IFTAP: variants seen among roughly 807,000 people sequenced by gnomAD.
IFTAP encodes the protein intraflagellar transport-associated protein.
IFTAP carries 19 observed loss-of-function variants against 19.4 expected under a neutral mutation model. That is an observed-to-expected ratio of 0.98 (90% CI 0.68 to 1.44). The LOEUF is 1.44. Ranked by LOEUF, IFTAP falls within the 40% of genes most tolerant of loss-of-function variation. The pLI is 0.00. For missense variants in IFTAP, 240 were observed against 253.6 expected (o/e 0.95, Z 0.36); for synonymous variants, 85 against 83.5 (o/e 1.02, Z -0.10).
At chr11:36,649,889 A>G (rs566791020) in intron 5 of IFTAP, among the ~76,000 whole-genome samples, 1 of 152,026 alleles carries the variant, frequency 6.6e-6, no homozygotes, top group Admixed American at 6.6e-5. Context: ...TACAGGTTGA[A>G]CATTCCTAAT....
chr11:36,654,149 G>A (rs1351323383), intron 5 of IFTAP, among the ~76,000 whole-genome samples: 1 of 151,938 alleles, frequency 6.6e-6, no homozygotes, highest in East Asian at 1.9e-4. Flanking sequence ...GGCTTCAATT[G>A]CCTGCTTGGA....
intron 3 of IFTAP, among the ~76,000 whole-genome samples, chr11:36,634,159 CT>C (rs1271341941): frequency 6.6e-6 from 1 of 151,950 alleles, no homozygotes; most frequent in Non-Finnish European, 1.5e-5. Context: ...GGGATACGAA[CT>C]TTTTTCACTC....
intron 2 of IFTAP, among the ~76,000 whole-genome samples, chr11:36,630,073 G>A (rs1035314704): frequency 1.3e-5 from 2 of 151,156 alleles, no homozygotes; most frequent in African/African-American, 2.5e-5. Flanking sequence ...AAGATGAGAC[G>A]AACCCTTGGG....
chr11:36,655,937 A>G (rs899089758), intron 5 of IFTAP, among the ~76,000 whole-genome samples: 5 of 152,226 alleles, frequency 3.3e-5, no homozygotes. Flanking sequence ...GAAGAAAATC[A>G]TCCTCCATGA....
intron 4 of IFTAP, among the ~76,000 whole-genome samples, chr11:36,643,711 G>C (rs1210528113): frequency 1.3e-5 from 2 of 152,092 alleles, no homozygotes; most frequent in East Asian, 1.9e-4. Context: ...ACAACCATCT[G>C]ATCTTTGACA....
intron 4 of IFTAP, among the ~76,000 whole-genome samples, chr11:36,643,362 T>A (rs918073633): frequency 1.3e-5 from 2 of 152,192 alleles, no homozygotes; most frequent in African/African-American, 4.8e-5. Flanking sequence ...TACAAACAAA[T>A]GGACGAACAT....
intron 3 of IFTAP, 75 bp downstream of exon 3, chr11:36,633,513 C>T: frequency 1.7e-6 from 2 of 1,192,374 alleles, no homozygotes; most frequent in Middle Eastern, 2.2e-4. Context: ...AAAAAGAGAC[C>T]CTACTAAACA....
chr11:36,642,794 A>G (rs1223301972), intron 4 of IFTAP, among the ~76,000 whole-genome samples: 1 of 152,232 alleles, frequency 6.6e-6, no homozygotes, highest in Non-Finnish European at 1.5e-5. Flanking sequence ...AAGGCCTTTG[A>G]CAAAATTCAA....
At chr11:36,657,918 A>G (rs1171205701) in intron 5 of IFTAP, among the ~76,000 whole-genome samples, 1 of 152,202 alleles carries the variant, frequency 6.6e-6, no homozygotes, top group Non-Finnish European at 1.5e-5. Flanking sequence ...TGCTGATTTT[A>G]CTAACAAAAG....
chr11:36,646,100 AC>A (rs1451067731), intron 4 of IFTAP, among the ~76,000 whole-genome samples: 1 of 152,210 alleles, frequency 6.6e-6, no homozygotes, highest in Admixed American at 6.5e-5. Context: ...TATGAAAGAA[AC>A]CATTTTTGTT....
At chr11:36,651,415 TAA>T (rs1554956830) in intron 5 of IFTAP, among the ~76,000 whole-genome samples, 1 of 152,228 alleles carries the variant, frequency 6.6e-6, no homozygotes, top group Non-Finnish European at 1.5e-5. Flanking sequence ...TTTTTTCTTG[TAA>T]ATTTGTTTAA....
chr11:36,635,305 C>T (rs927153621), intron 3 of IFTAP, among the ~76,000 whole-genome samples: 6 of 152,144 alleles, frequency 3.9e-5, no homozygotes, highest in African/African-American at 1.4e-4. Context: ...TTCTTATTTA[C>T]ACTCTTTGAT....
At chr11:36,636,654 C>T (rs1852964247) in intron 4 of IFTAP, among the ~76,000 whole-genome samples, 1 of 152,132 alleles carries the variant, frequency 6.6e-6, no homozygotes, top group Non-Finnish European at 1.5e-5. Flanking sequence ...ATGCAGGCTT[C>T]AGTGAACTAT....
intron 1 of IFTAP, among the ~76,000 whole-genome samples, chr11:36,602,477 A>T (rs538091310): frequency 1.3e-5 from 2 of 152,286 alleles, no homozygotes; most frequent in East Asian, 3.9e-4. Flanking sequence ...GGGACATTGT[A>T]TCTTATATGA....
intron 5 of IFTAP, among the ~76,000 whole-genome samples, chr11:36,651,162 A>G (rs1305766490): frequency 4.6e-5 from 7 of 152,218 alleles, no homozygotes; most frequent in African/African-American, 1.2e-4. Context: ...ACTAGTTTAC[A>G]GTCCCACCAA....
At chr11:36,600,797 A>G (rs1438321936) in intron 1 of IFTAP, among the ~76,000 whole-genome samples, 2 of 152,218 alleles carry the variant, frequency 1.3e-5, no homozygotes, top group Non-Finnish European at 2.9e-5. Flanking sequence ...AACAACCTTT[A>G]TCTTATGGGA....
At position 36,647,874 on chromosome 11, in the gene IFTAP, C is replaced by T; in HGVS notation, c.359-142C>T. The T allele has an allele frequency of 8.6e-6, 8 of 933,656 alleles. 1 individual carries two copies. In the South Asian group the frequency reaches 1.5e-4, roughly 17 times the overall value. The allele number at this position is 933,656 out of a possible 1,614,324, so 57.8% of individuals were successfully genotyped here. A position where few individuals can be genotyped will look rare whatever the true frequency, so the allele number is the denominator to read the frequency against. ...AGGGCAATCCCTTGAGTCCAGTTCC[C>T]AAAGGAGGACAGGCATTGTGAAATG... On this transcript the variant is annotated intron_variant, in intron 4 of 5. Transcript: ENST00000334307.
rs558405169 is a variant in IFTAP at position 36,650,638 on chromosome 11, A to G, written c.498+2483A>G. 6.6e-5 allele frequency among the ~76,000 whole-genome samples: 10 copies of G among 151,708 alleles called. No homozygotes were observed. In the East Asian group the frequency reaches 1.9e-3, roughly 30 times the overall value. ...GTGCAGGTTTGTTACATATGTATAC[A>G]TGTGCCATGTTGGTGTGTTGCACCA... is the stretch of plus-strand genomic sequence containing the variant. On this transcript the variant is annotated intron_variant, in intron 5 of 5. Coordinates refer to ENST00000334307, the MANE Select transcript of IFTAP (RefSeq NM_138787.4).
chr11:36,648,891 G>T (rs1361276270), intron 5 of IFTAP, among the ~76,000 whole-genome samples: 2 of 152,118 alleles, frequency 1.3e-5, no homozygotes, highest in Admixed American at 6.6e-5. Context: ...ACCTAGAGAT[G>T]AAAATGGAAT....
Sources: allele counts gnomAD v4.1 joint callset (sites outside exome capture counted in the v4.1 genomes callset), GRCh38; gene constraint gnomAD v4.1.1; transcripts MANE v1.5; gene names NCBI Gene and HGNC (gene_info 2026-07-23, HGNC 2026-07-21).